GALNT13: variants seen among roughly 807,000 people sequenced by gnomAD.
The protein encoded by GALNT13 is UDP-GalNAc:polypeptide N-acetylgalactosaminyltransferase 13.
Under a neutral mutation model 64.2 loss-of-function variants are expected in GALNT13, and 28 were observed. That is an observed-to-expected ratio of 0.44 (90% CI 0.32 to 0.60). The LOEUF (loss-of-function observed/expected upper bound fraction) is 0.60. GALNT13 is among the 20% of genes least tolerant of loss of function. The pLI is 0.05. For synonymous variants in GALNT13, 214 were observed against 224.6 expected (o/e 0.95, Z 0.42); for missense variants, 577 against 669.8 (o/e 0.86, Z 1.53).
the GALNT13 span, among the ~76,000 whole-genome samples, chr2:153,366,272 G>A: frequency 6.6e-6 from 1 of 152,062 alleles, no homozygotes; most frequent in Non-Finnish European, 1.5e-5. Flanking sequence ...GAGAGCATCA[G>A]GACTAATAGC....
At chr2:153,282,812 G>T in the GALNT13 span, among the ~76,000 whole-genome samples, 2 of 152,088 alleles carry the variant, frequency 1.3e-5, no homozygotes, top group Non-Finnish European at 2.9e-5. Flanking sequence ...ATACAGTAGG[G>T]TTTTTTCTTT....
intron 9 of GALNT13, 100 bp from the exon 10 acceptor site, chr2:154,395,891 G>A: frequency 9.2e-7 from 1 of 1,087,896 alleles, no homozygotes; most frequent in Non-Finnish European, 1.2e-6. Context: ...TGAATTTGCT[G>A]GAATTATGAA....
the GALNT13 span, among the ~76,000 whole-genome samples, chr2:153,740,597 A>G: frequency 6.6e-6 from 1 of 151,972 alleles, no homozygotes; most frequent in Non-Finnish European, 1.5e-5. Context: ...TATATGTATA[A>G]TTTTGGATTG....
At chr2:153,114,826 T>C in the GALNT13 span, among the ~76,000 whole-genome samples, 1 of 151,868 alleles carries the variant, frequency 6.6e-6, no homozygotes, top group African/African-American at 2.4e-5. Context: ...CTTGTTTTTC[T>C]TTTTTCTCTT....
At chr2:153,366,967 TTATACCTACTGA>T in the GALNT13 span, among the ~76,000 whole-genome samples, 1 of 151,344 alleles carries the variant, frequency 6.6e-6, no homozygotes, top group Non-Finnish European at 1.5e-5. Flanking sequence ...AACCAGAATT[TTATACCTACTGA>T]ACATAAAATA....
intron 3 of GALNT13, among the ~76,000 whole-genome samples, chr2:154,010,472 G>C (rs1696557406): frequency 6.6e-6 from 1 of 152,134 alleles, no homozygotes; most frequent in South Asian, 2.1e-4. Context: ...TTTTTGATGT[G>C]CTGTTATTTG....
the GALNT13 span, among the ~76,000 whole-genome samples, chr2:153,587,936 C>T: frequency 6.6e-6 from 1 of 152,184 alleles, no homozygotes; most frequent in East Asian, 1.9e-4. Flanking sequence ...TAAATACAGC[C>T]ATTCCAAATG....
the GALNT13 span, among the ~76,000 whole-genome samples, chr2:153,472,563 TA>T: frequency 2.0e-5 from 3 of 152,146 alleles, no homozygotes; most frequent in Non-Finnish European, 4.4e-5. Flanking sequence ...TATGAGGTCA[TA>T]AAATATTACT....
rs115451707 is a variant in GALNT13, at chr2:153,913,710, C to G, written c.-105+12703C>G. Among the ~76,000 whole-genome samples the G allele has an allele frequency of 3.0e-3, 450 of 152,244 alleles. 5 individuals carry two copies. The highest frequency in any genetic ancestry group is 3.5e-3 in the Admixed American group (53 of 15,296). ...TCAACTCCTACTTTCTGCAGGAGTT[C>G]TTCGGGGCCAGGAATAAGTCCTGGT... On this transcript the variant is annotated intron_variant, in intron 2 of 12. Coordinates refer to ENST00000392825, the MANE Select transcript of GALNT13 (RefSeq NM_052917.4).
intron 1 of GALNT13, among the ~76,000 whole-genome samples, chr2:153,896,227 AT>A (rs1487996897): frequency 2.7e-5 from 4 of 150,034 alleles, no homozygotes; most frequent in Admixed American, 6.6e-5. Flanking sequence ...ACTTTCACTT[AT>A]TTTTTGATTA....
At chr2:153,773,596 TTC>T in the GALNT13 span, among the ~76,000 whole-genome samples, 1 of 152,212 alleles carries the variant, frequency 6.6e-6, no homozygotes, top group Non-Finnish European at 1.5e-5. Context: ...TAGGTTTTTT[TTC>T]TCTTTTCCCT....
intron 8 of GALNT13, among the ~76,000 whole-genome samples, chr2:154,288,009 G>A (rs1022819436): frequency 4.6e-5 from 7 of 151,912 alleles, no homozygotes; most frequent in African/African-American, 9.7e-5. Flanking sequence ...GTATTAGTCC[G>A]TTCTCACACT....
the GALNT13 span, among the ~76,000 whole-genome samples, chr2:153,664,398 T>C: frequency 1.3e-5 from 2 of 152,200 alleles, no homozygotes. Context: ...CTTATGGTTA[T>C]CTCCCTTGTT....
chr2:153,966,754 G>A (rs1384593303), intron 3 of GALNT13, among the ~76,000 whole-genome samples: 2 of 151,826 alleles, frequency 1.3e-5, no homozygotes, highest in Admixed American at 1.3e-4. Flanking sequence ...TCTTCTTGGT[G>A]TTCTTTGTTG....
At chr2:153,593,711 A>G in the GALNT13 span, among the ~76,000 whole-genome samples, 1,038 of 152,242 alleles carry the variant, frequency 6.8e-3, 11 homozygotes, top group African/African-American at 0.024. Flanking sequence ...TTACAGCACA[A>G]ATTCCTTAAA....
intron 4 of GALNT13, among the ~76,000 whole-genome samples, chr2:154,221,059 T>G (rs755132438): frequency 1.3e-5 from 2 of 152,046 alleles, no homozygotes; most frequent in Non-Finnish European, 2.9e-5. Context: ...CTCCAAAAGC[T>G]TCTAATAGGT....
the GALNT13 span, among the ~76,000 whole-genome samples, chr2:153,669,966 G>A: frequency 7.1e-6 from 1 of 140,444 alleles, no homozygotes; most frequent in Non-Finnish European, 1.6e-5. Flanking sequence ...CTTGGGGAGG[G>A]GGGAGGGGCA....
intron 9 of GALNT13, among the ~76,000 whole-genome samples, chr2:154,342,432 A>G (rs1467310333): frequency 6.6e-6 from 1 of 152,068 alleles, no homozygotes; most frequent in Non-Finnish European, 1.5e-5. Flanking sequence ...GGTTTATACC[A>G]GAGGTTAACT....
chr2:153,983,759 A>G (rs909441141), intron 3 of GALNT13, among the ~76,000 whole-genome samples: 5 of 152,002 alleles, frequency 3.3e-5, no homozygotes, highest in Non-Finnish European at 7.4e-5. Flanking sequence ...GCTGTTTAAC[A>G]TGTGGCAGTG....
Sources: gnomAD v4.1 joint callset for allele counts (sites outside exome capture counted in the v4.1 genomes callset) on GRCh38, gnomAD v4.1.1 for gene constraint, MANE v1.5 for transcripts, NCBI Gene and HGNC (gene_info 2026-07-23, HGNC 2026-07-21) for gene names.